The following SGCZ variants were observed in gnomAD, a reference collection of about 807,000 sequenced individuals.
SGCZ encodes the protein zeta-sarcoglycan.
Under a neutral mutation model 41.3 loss-of-function variants are expected in SGCZ, and 40 were observed. The observed-to-expected ratio is 0.97, with a 90% CI of 0.75 to 1.26. The LOEUF (loss-of-function observed/expected upper bound fraction) is 1.26, where lower values mean the gene tolerates loss of function less well. Among genes scored for constraint, SGCZ ranks in the 50% most tolerant of loss-of-function variants. SGCZ has a pLI of 0.00. For synonymous variants in SGCZ, 206 were observed against 137.5 expected (o/e 1.50, Z -3.49); for missense variants, 552 against 369.8 (o/e 1.49, Z -4.04).
intron 1 of SGCZ, among the ~76,000 whole-genome samples, chr8:14,584,355 G>C (rs915128709): frequency 1.3e-5 from 2 of 152,116 alleles, no homozygotes; most frequent in African/African-American, 4.8e-5. Flanking sequence ...AGTATGTCTT[G>C]ATTTTTATGA....
At chr8:14,719,689 T>A (rs936079988) in intron 1 of SGCZ, among the ~76,000 whole-genome samples, 6 of 151,956 alleles carry the variant, frequency 3.9e-5, no homozygotes, top group Non-Finnish European at 5.9e-5. Context: ...TTGCCCACTT[T>A]TTGATGGGGT....
chr8:15,065,860 A>G (rs1000206154), intron 1 of SGCZ, among the ~76,000 whole-genome samples: 3 of 152,150 alleles, frequency 2.0e-5, no homozygotes, highest in Non-Finnish European at 4.4e-5. Context: ...CTTAATATGA[A>G]GTGCAGTAAT....
At chr8:15,168,408 T>G (rs1488856650) in intron 1 of SGCZ, among the ~76,000 whole-genome samples, 1 of 152,138 alleles carries the variant, frequency 6.6e-6, no homozygotes, top group Non-Finnish European at 1.5e-5. Flanking sequence ...GAAAGAGATA[T>G]AGGTGAGAGC....
intron 4 of SGCZ, among the ~76,000 whole-genome samples, chr8:14,234,510 G>A (rs563934754): frequency 3.3e-5 from 5 of 152,116 alleles, no homozygotes; most frequent in East Asian, 3.9e-4. Context: ...AACAGAAATC[G>A]ATGCATTCTA....
chr8:14,202,874 C>G (rs1315914843), intron 4 of SGCZ, among the ~76,000 whole-genome samples: 1 of 152,176 alleles, frequency 6.6e-6, no homozygotes, highest in Non-Finnish European at 1.5e-5. Context: ...CAAATCTCAT[C>G]TTAAATTATA....
At chr8:14,359,642 C>T (rs1803431529) in intron 2 of SGCZ, among the ~76,000 whole-genome samples, 1 of 151,894 alleles carries the variant, frequency 6.6e-6, no homozygotes, top group Non-Finnish European at 1.5e-5. Context: ...CTGTAAGTCT[C>T]TCAGCAAAGA....
intron 1 of SGCZ, among the ~76,000 whole-genome samples, chr8:14,821,350 C>A (rs1001217302): frequency 1.3e-5 from 2 of 151,860 alleles, no homozygotes; most frequent in African/African-American, 4.8e-5. Context: ...AAAGTATAGC[C>A]AGGAACATCT....
chr8:14,618,230 A>G (rs774775462), intron 1 of SGCZ, among the ~76,000 whole-genome samples: 4 of 152,184 alleles, frequency 2.6e-5, no homozygotes, highest in Non-Finnish European at 4.4e-5. Context: ...TTAAAAGGTA[A>G]ATGATATGGT....
intron 1 of SGCZ, among the ~76,000 whole-genome samples, chr8:15,113,550 G>T (rs1354338056): frequency 6.6e-6 from 1 of 152,042 alleles, no homozygotes; most frequent in African/African-American, 2.4e-5. Flanking sequence ...TCTGACTTCG[G>T]TGCCTGCCTT....
chr8:14,907,552 T>A (rs1205920564), intron 1 of SGCZ, among the ~76,000 whole-genome samples: 1 of 152,012 alleles, frequency 6.6e-6, no homozygotes, highest in East Asian at 1.9e-4. Context: ...AATAACTAAC[T>A]ATTCTTAATA....
intron 1 of SGCZ, among the ~76,000 whole-genome samples, chr8:14,863,287 CAG>C (rs1021765053): frequency 7.2e-5 from 11 of 152,076 alleles, no homozygotes; most frequent in Admixed American, 1.3e-4. Flanking sequence ...CTAAGAAATA[CAG>C]AGTTTTCTTT....
At position 14,090,375 on chromosome 8, in the gene SGCZ, C is replaced by G; in HGVS notation, c.*68G>C. 1 of 1,518,088 alleles carries G rather than the reference C, an allele frequency of 6.6e-7. No homozygotes were observed. Among genetic ancestry groups the G allele is most frequent in the Non-Finnish European group, 8.9e-7 (1 of 1,126,448 alleles). The allele number at this position is 1,518,088 out of a possible 1,614,324, so 94.0% of individuals were successfully genotyped here. A position where few individuals can be genotyped will look rare whatever the true frequency, so the allele number is the denominator to read the frequency against. On this transcript the variant is annotated 3_prime_UTR_variant, in exon 8 of 8. Transcript: ENST00000382080. ...GCTCTGGACTGATCACAAGGGAAAC[C>G]GAGCAGAACTGTGAAGCAGACGGAC...
intron 1 of SGCZ, among the ~76,000 whole-genome samples, chr8:14,868,562 C>T (rs190699806): frequency 1.2e-4 from 19 of 152,158 alleles, no homozygotes; most frequent in Admixed American, 4.6e-4. Context: ...AATTGATTTT[C>T]TGGAGAGAGT....
intron 4 of SGCZ, among the ~76,000 whole-genome samples, chr8:14,230,395 A>G (rs963585650): frequency 6.6e-6 from 1 of 152,158 alleles, no homozygotes; most frequent in East Asian, 1.9e-4. Context: ...ATACCTTACT[A>G]TATGTTAACA....
intron 4 of SGCZ, among the ~76,000 whole-genome samples, chr8:14,218,903 C>T (rs1806092958): frequency 6.6e-6 from 1 of 152,110 alleles, no homozygotes. Context: ...CTACGACCAC[C>T]AATTGAGTGC....
chr8:14,404,627 G>C (rs1258353958), intron 2 of SGCZ, among the ~76,000 whole-genome samples: 1 of 152,042 alleles, frequency 6.6e-6, no homozygotes, highest in South Asian at 2.1e-4. Context: ...AATTAATAAG[G>C]GCATTTGACT....
chr8:15,185,475 T>G (rs1448141741), intron 1 of SGCZ, among the ~76,000 whole-genome samples: 3 of 152,236 alleles, frequency 2.0e-5, no homozygotes, highest in Non-Finnish European at 4.4e-5. Flanking sequence ...TACATGTATG[T>G]TCCTACTTGT....
chr8:14,707,872 A>G (rs1436774046), intron 1 of SGCZ, among the ~76,000 whole-genome samples: 1 of 152,132 alleles, frequency 6.6e-6, no homozygotes, highest in Non-Finnish European at 1.5e-5. Flanking sequence ...CGAATTTAAA[A>G]TATATTAACA....
At chr8:14,579,568 C>T (rs943504380) in intron 1 of SGCZ, among the ~76,000 whole-genome samples, 15 of 152,140 alleles carry the variant, frequency 9.9e-5, no homozygotes, top group Non-Finnish European at 2.1e-4. Flanking sequence ...ACAAATATGG[C>T]AGGATGAGAA....
Sources: allele counts gnomAD v4.1 joint callset (sites outside exome capture counted in the v4.1 genomes callset), GRCh38; gene constraint gnomAD v4.1.1; transcripts MANE v1.5; gene names NCBI Gene and HGNC (gene_info 2026-07-23, HGNC 2026-07-21).